The following PTPRT variants were observed in gnomAD, a reference collection of about 807,000 sequenced individuals.
The protein encoded by PTPRT is receptor-type tyrosine-protein phosphatase T.
PTPRT carries 56 observed loss-of-function variants against 176.8 expected under a neutral mutation model. That is an observed-to-expected ratio of 0.32 (90% CI 0.26 to 0.40). The LOEUF is 0.40. Ranked by LOEUF, PTPRT falls within the 10% of genes least tolerant of loss-of-function variation. PTPRT has a pLI of 1.00. For synonymous variants in PTPRT, 783 were observed against 739.0 expected (o/e 1.06, Z -0.96); for missense variants, 1,540 against 1,908.2 (o/e 0.81, Z 3.60).
At chr20:43,116,890 T>G (rs755896332) in intron 1 of PTPRT, among the ~76,000 whole-genome samples, 1 of 152,152 alleles carries the variant, frequency 6.6e-6, no homozygotes, top group Non-Finnish European at 1.5e-5. Flanking sequence ...AAAAAAACAC[T>G]GGCACCAAGC....
chr20:42,715,329 T>G (rs2076207045), intron 6 of PTPRT, among the ~76,000 whole-genome samples: 1 of 152,084 alleles, frequency 6.6e-6, no homozygotes, highest in African/African-American at 2.4e-5. Context: ...AATGAACAGA[T>G]CCCAAGATAA....
At chr20:42,312,029 G>A (rs1436337176) in intron 12 of PTPRT, among the ~76,000 whole-genome samples, 1 of 152,156 alleles carries the variant, frequency 6.6e-6, no homozygotes, top group African/African-American at 2.4e-5. Context: ...GAACTGTTAA[G>A]TTTTTACATT....
chr20:42,733,575 C>T (rs572621547), intron 6 of PTPRT, among the ~76,000 whole-genome samples: 1 of 152,282 alleles, frequency 6.6e-6, no homozygotes, highest in East Asian at 1.9e-4. Flanking sequence ...GGCTGGGGAG[C>T]TCATTAGCAC....
chr20:43,035,732 C>A (rs1986350573), intron 1 of PTPRT, among the ~76,000 whole-genome samples: 1 of 152,188 alleles, frequency 6.6e-6, no homozygotes. Context: ...AAGAAGTTCC[C>A]AACAGTTTAA....
At chr20:42,912,382 C>A (rs1978455272) in intron 1 of PTPRT, among the ~76,000 whole-genome samples, 1 of 152,042 alleles carries the variant, frequency 6.6e-6, no homozygotes, top group Non-Finnish European at 1.5e-5. Flanking sequence ...CTGGTTATGC[C>A]CTTCACTCAT....
rs898219648 is a variant in PTPRT at position 42,452,217 on chromosome 20, C to T, written c.1451-3888G>A. On this transcript the variant is annotated intron_variant, in intron 8 of 30. Coordinates refer to ENST00000373187, the MANE Select transcript of PTPRT (RefSeq NM_007050.6). ...CCAGGAGGTGGAGGTTGCAGTGAGCCGAGACCATGCCACTGCACCCCAGCC... is the reference window on the plus strand; with the variant it reads ...CCAGGAGGTGGAGGTTGCAGTGAGCTGAGACCATGCCACTGCACCCCAGCC... 5.3e-5 allele frequency among the ~76,000 whole-genome samples: 8 copies of T among 150,610 alleles called. No homozygotes were observed. The East Asian group carries it at 5.9e-4, about 11-fold the overall frequency.
chr20:42,989,133 C>G (rs1983755952), intron 1 of PTPRT, among the ~76,000 whole-genome samples: 1 of 152,202 alleles, frequency 6.6e-6, no homozygotes, highest in Non-Finnish European at 1.5e-5. Context: ...GAATAGAAAA[C>G]TTAGGTTTAT....
intron 1 of PTPRT, among the ~76,000 whole-genome samples, chr20:43,153,122 G>A (rs2014412553): frequency 1.3e-5 from 2 of 152,192 alleles, no homozygotes; most frequent in African/African-American, 2.4e-5. Context: ...AGTGGGCAAA[G>A]GCATGTTGAA....
chr20:42,604,922 T>C (rs1392325334), intron 7 of PTPRT, among the ~76,000 whole-genome samples: 1 of 152,170 alleles, frequency 6.6e-6, no homozygotes, highest in African/African-American at 2.4e-5. Context: ...GTTTCAGGCA[T>C]TGACAAGAAA....
chr20:42,428,764 C>A (rs552080716), intron 9 of PTPRT, among the ~76,000 whole-genome samples: 1 of 152,122 alleles, frequency 6.6e-6, no homozygotes, highest in East Asian at 1.9e-4. Flanking sequence ...TTTTCCCACT[C>A]ATTTCCCTAC....
At chr20:42,689,268 G>T (rs1448356352) in intron 6 of PTPRT, among the ~76,000 whole-genome samples, 2 of 152,212 alleles carry the variant, frequency 1.3e-5, no homozygotes, top group East Asian at 3.9e-4. Context: ...GGAACAATGT[G>T]GCAGAGAAAG....
At chr20:42,686,570 G>A (rs1016684958) in intron 6 of PTPRT, among the ~76,000 whole-genome samples, 13 of 134,416 alleles carry the variant, frequency 9.7e-5, no homozygotes, top group Admixed American at 7.0e-4. Flanking sequence ...CGCAGCCTCC[G>A]CCTCCCGGGT....
intron 13 of PTPRT, chr20:42,270,340 G>A (rs930543161): frequency 3.1e-5 from 46 of 1,473,088 alleles, no homozygotes; most frequent in Non-Finnish European, 4.0e-5. Context: ...TGGCCTGGAG[G>A]ACCCACTGAG....
intron 1 of PTPRT, among the ~76,000 whole-genome samples, chr20:43,034,410 G>A (rs1156859731): frequency 6.6e-6 from 1 of 151,958 alleles, no homozygotes; most frequent in Admixed American, 6.6e-5. Flanking sequence ...TTGTAGGCTG[G>A]GGAACACGGG....
At chr20:42,476,863 G>A (rs752474255) in intron 7 of PTPRT, among the ~76,000 whole-genome samples, 2 of 152,186 alleles carry the variant, frequency 1.3e-5, no homozygotes, top group African/African-American at 2.4e-5. Flanking sequence ...ACATGGCCGA[G>A]CCCCCATTCT....
intron 1 of PTPRT, among the ~76,000 whole-genome samples, chr20:43,163,593 A>C (rs1261936869): frequency 6.6e-6 from 1 of 151,840 alleles, no homozygotes; most frequent in Admixed American, 6.6e-5. Flanking sequence ...AGCCGAGATC[A>C]TGCCACTGCA....
intron 7 of PTPRT, among the ~76,000 whole-genome samples, chr20:42,590,479 T>C (rs1484484150): frequency 6.6e-6 from 1 of 152,140 alleles, no homozygotes; most frequent in Non-Finnish European, 1.5e-5. Context: ...GCAGACTTTG[T>C]CCCTGACCTT....
chr20:43,107,197 C>T (rs921790296), intron 1 of PTPRT, among the ~76,000 whole-genome samples: 6 of 152,054 alleles, frequency 3.9e-5, no homozygotes, highest in Non-Finnish European at 7.4e-5. Context: ...GCCAGATGAC[C>T]CAAACCCTCC....
In PTPRT at chr20:42,158,079, T is replaced by TTG. The variant is rs1373594473; in HGVS notation, c.2682+3271_2682+3272dup. Reference sequence around the variant, plus strand: ...GTGTAGAAGAAACAGGTTGTCCCTGTTGTACCCTGCACAGATTCCACAGAA... The same window carrying TTG: ...GTGTAGAAGAAACAGGTTGTCCCTGTTGTGTACCCTGCACAGATTCCACAGAA... On this transcript the variant is annotated intron_variant, in intron 17 of 30. Transcript: ENST00000373187. Among the ~76,000 whole-genome samples the TTG allele has an allele frequency of 9.2e-5, 14 of 152,360 alleles. No individual in the cohort carries two copies. In the East Asian group the frequency reaches 1.7e-3, roughly 19 times the overall value.
Sources: gnomAD v4.1 joint callset for allele counts (sites outside exome capture counted in the v4.1 genomes callset) on GRCh38, gnomAD v4.1.1 for gene constraint, MANE v1.5 for transcripts, NCBI Gene and HGNC (gene_info 2026-07-23, HGNC 2026-07-21) for gene names.